CPNE9: variants seen among roughly 807,000 people sequenced by gnomAD.
The protein encoded by CPNE9 is copine family member 9, also known as copine-9.
A neutral mutation model predicts 83.0 loss-of-function variants in CPNE9; 59 were observed. The observed-to-expected ratio is 0.71, with a 90% CI of 0.58 to 0.88. The LOEUF (loss-of-function observed/expected upper bound fraction) is 0.88, where lower values mean the gene tolerates loss of function less well. Among genes scored for constraint, CPNE9 ranks in the 40% least tolerant of loss-of-function variants. The pLI is 0.00. For synonymous variants in CPNE9, 256 were observed against 273.4 expected (o/e 0.94, Z 0.63); for missense variants, 619 against 720.8 (o/e 0.86, Z 1.62).
intron 6 of CPNE9, 110 bp from the exon 7 acceptor site, chr3:9,705,877 C>A (rs1257606948): frequency 5.8e-6 from 8 of 1,378,132 alleles, no homozygotes; most frequent in Non-Finnish European, 7.1e-6. Flanking sequence ...GCTCTTGCAC[C>A]ACTCATTCGC....
At chr3:9,715,748 A>G (rs1336061409) in intron 13 of CPNE9, among the ~76,000 whole-genome samples, 1 of 152,232 alleles carries the variant, frequency 6.6e-6, no homozygotes, top group East Asian at 1.9e-4. Flanking sequence ...AAAAAAACCT[A>G]AGTTGTATTT....
At chr3:9,727,534 A>G (rs2076795986) in intron 20 of CPNE9, 1 of 643,766 alleles carries the variant, frequency 1.6e-6, no homozygotes, top group Admixed American at 2.4e-5. Flanking sequence ...ACATAGGTAC[A>G]GTAGTCAGGA....
chr3:9,709,882 A>C (rs543329130), intron 7 of CPNE9, among the ~76,000 whole-genome samples: 1 of 151,032 alleles, frequency 6.6e-6, no homozygotes, highest in East Asian at 2.0e-4. Flanking sequence ...CCCAGCTACT[A>C]GGGAGGATGA....
chr3:9,729,449 AC>A, intron 20 of CPNE9, 57 bp from the exon 21 acceptor site: 1 of 1,517,300 alleles, frequency 6.6e-7, no homozygotes, highest in Non-Finnish European at 8.9e-7. Context: ...TCCCTGCTGC[AC>A]CCCCATGCCC....
chr3:9,727,132 T>G lies in CPNE9; in HGVS notation c.1422T>G (p.Gly474=), dbSNP rs1192772871. ...AMFEAMEELD[G]DDVRVSSRGR... ...CTGCAGCAATGGAAGAGTTGGACGG[T>G]GATGATGTGCGCGTGTCCTCTAGGG... The change falls in exon 20 of 21, where the codon GGT becomes GGG. Residue 474 remains glycine (G), a synonymous_variant. Coordinates refer to ENST00000383832, the MANE Select transcript of CPNE9 (RefSeq NM_153635.3). 1 of 1,613,924 alleles carries G rather than the reference T, an allele frequency of 6.2e-7. No homozygotes were observed. Among genetic ancestry groups the G allele is most frequent in the Admixed American group, 1.7e-5 (1 of 59,996 alleles).
intron 4 of CPNE9, among the ~76,000 whole-genome samples, chr3:9,705,262 C>T (rs2076550396): frequency 6.6e-6 from 1 of 152,150 alleles, no homozygotes; most frequent in African/African-American, 2.4e-5. Flanking sequence ...CCCCAGCAGC[C>T]CCTGACTTGG....
chr3:9,725,804 C>T (rs914646395), intron 17 of CPNE9, 145 bp from the exon 18 acceptor site: 3 of 663,948 alleles, frequency 4.5e-6, no homozygotes, highest in Non-Finnish European at 5.5e-6. Context: ...CAGTGGCAGG[C>T]TGCCAGGTCT....
chr3:9,713,842 C>T (rs934853942), intron 10 of CPNE9, among the ~76,000 whole-genome samples: 2 of 152,104 alleles, frequency 1.3e-5, no homozygotes, highest in South Asian at 2.1e-4. Context: ...GAGGCCGAGA[C>T]GGGCAGATCA....
chr3:9,714,355 G>A (rs1409810202), intron 10 of CPNE9, among the ~76,000 whole-genome samples: 1 of 152,130 alleles, frequency 6.6e-6, no homozygotes, highest in African/African-American at 2.4e-5. Context: ...TAGACGGATG[G>A]TTGGATGGGC....
In CPNE9 at chr3:9,705,458, TC is replaced by T. The variant is rs2125458751; in HGVS notation, c.261-3del. ...CCACCCCACACCGGTTCCACTCTTT[TC>T]CCAGGTACAACGTGGACTCCAAAAC... On this transcript the variant is annotated splice_polypyrimidine_tract_variant and splice_region_variant and intron_variant, in intron 4 of 20. Coordinates refer to ENST00000383832, the MANE Select transcript of CPNE9 (RefSeq NM_153635.3). 1 of 1,547,692 alleles carries T rather than the reference TC, an allele frequency of 6.5e-7. No individual in the cohort carries two copies. Among genetic ancestry groups the T allele is most frequent in the Admixed American group, 1.9e-5 (1 of 52,052 alleles).
chr3:9,729,612 T>G lies in CPNE9; in HGVS notation c.1582T>G (p.Tyr528Asp). The G allele has an allele frequency of 6.2e-7, 1 of 1,614,146 alleles. No individual in the cohort carries two copies. Among genetic ancestry groups the G allele is most frequent in the South Asian group, 1.1e-5 (1 of 91,076 alleles). The change falls in exon 21 of 21, where the codon TAT becomes GAT. Residue 528 changes from tyrosine (Y) to aspartate (D), a missense_variant. Physicochemically the swap from Tyr to Asp is radical, Grantham distance 160. Transcript: ENST00000383832. Reference sequence around the variant, plus strand: ...CGAGATCCCGGAGCAGCTGCTGTCCTATATGCGCACCAGAGACATCCAGCC... The same window carrying G: ...CGAGATCCCGGAGCAGCTGCTGTCCGATATGCGCACCAGAGACATCCAGCC... ...LAEIPEQLLS[Y>D]MRTRDIQPRP... is the part of the protein sequence containing the mutation.
At chr3:9,725,864 A>C (rs2076780051) in intron 17 of CPNE9, 85 bp from the exon 18 acceptor site, 1 of 1,031,900 alleles carries the variant, frequency 9.7e-7, no homozygotes. Context: ...CACTGCCCAC[A>C]CACTGGCTGT....
intron 17 of CPNE9, among the ~76,000 whole-genome samples, chr3:9,724,484 G>A (rs893797071): frequency 6.6e-6 from 1 of 152,128 alleles, no homozygotes; most frequent in Non-Finnish European, 1.5e-5. Flanking sequence ...TCTTGCCAGG[G>A]GTTGATAAAT....
intron 20 of CPNE9, among the ~76,000 whole-genome samples, chr3:9,727,755 G>C (rs1575136315): frequency 6.6e-6 from 1 of 152,176 alleles, no homozygotes; most frequent in South Asian, 2.1e-4. Flanking sequence ...TTACATAGAG[G>C]AGTGAGATGG....
intron 12 of CPNE9, 31 bp from the exon 13 acceptor site, chr3:9,715,442 T>A (rs748005601): frequency 1.2e-6 from 2 of 1,613,248 alleles, no homozygotes; most frequent in South Asian, 1.1e-5. Flanking sequence ...TTCCTTTGTT[T>A]CTCATCATCA....
At chr3:9,713,531 G>A (rs947444303) in intron 10 of CPNE9, among the ~76,000 whole-genome samples, 1 of 152,134 alleles carries the variant, frequency 6.6e-6, no homozygotes, top group African/African-American at 2.4e-5. Flanking sequence ...GGATGAATGA[G>A]CTGATGGATG....
intron 17 of CPNE9, among the ~76,000 whole-genome samples, chr3:9,719,059 A>G (rs1357887991): frequency 1.4e-5 from 2 of 145,878 alleles, no homozygotes; most frequent in African/African-American, 5.1e-5. Flanking sequence ...CTGGTCTTGA[A>G]CTCCCAACCT....
chr3:9,725,935 G>A lies in CPNE9; in HGVS notation c.1242-14G>A. The A allele has an allele frequency of 6.3e-7, 1 of 1,594,460 alleles. No homozygotes were observed. The highest frequency in any genetic ancestry group is 8.6e-7 in the Non-Finnish European group (1 of 1,162,418). On this transcript the variant is annotated splice_polypyrimidine_tract_variant and intron_variant, in intron 17 of 20. Transcript: ENST00000383832. Reference sequence around the variant, plus strand: ...CTGGCTTTCAGCTGGATTCTCATTTGGCCTCTCATCCAGGGCTGCAGCCAA... The same window carrying A: ...CTGGCTTTCAGCTGGATTCTCATTTAGCCTCTCATCCAGGGCTGCAGCCAA...
intron 7 of CPNE9, 53 bp downstream of exon 7, chr3:9,706,116 C>A: frequency 6.4e-7 from 1 of 1,561,742 alleles, no homozygotes; most frequent in Non-Finnish European, 8.8e-7. Flanking sequence ...CCAAATTCTC[C>A]CTCCCAAGGA....
Sources: gnomAD v4.1 joint callset for allele counts (sites outside exome capture counted in the v4.1 genomes callset) on GRCh38, gnomAD v4.1.1 for gene constraint, MANE v1.5 for transcripts, NCBI Gene and HGNC (gene_info 2026-07-23, HGNC 2026-07-21) for gene names.